The following SNAPC4 variants were observed in gnomAD, a reference collection of about 807,000 sequenced individuals.
SNAPC4 encodes the protein small nuclear RNA activating complex polypeptide 4.
A neutral mutation model predicts 151.3 loss-of-function variants in SNAPC4; 127 were observed. That is an observed-to-expected ratio of 0.84 (90% CI 0.73 to 0.97). SNAPC4 has a LOEUF of 0.97. Ranked by LOEUF, SNAPC4 falls within the 50% of genes least tolerant of loss-of-function variation. The pLI, the probability that SNAPC4 is intolerant of heterozygous loss-of-function variation, is 0.00. For synonymous variants in SNAPC4, 1,002 were observed against 824.4 expected (o/e 1.22, Z -3.69); for missense variants, 2,186 against 1,935.0 (o/e 1.13, Z -2.43).
intron 22 of SNAPC4, 93 bp from the exon 23 acceptor site, chr9:136,376,574 G>A: frequency 6.7e-7 from 1 of 1,489,030 alleles, no homozygotes; most frequent in Non-Finnish European, 9.3e-7. Flanking sequence ...CCCTGTGGGT[G>A]AGTGTCCCAC....
chr9:136,391,997 G>T lies in SNAPC4; in HGVS notation c.920C>A (p.Ala307Glu), dbSNP rs201228463. ...CAGGTGGCCGTGTGCAGCCGCGATC[G>T]CCTGCAGCCGCTCCTCCTCCTCCCT... is the stretch of plus-strand genomic sequence containing the variant. ...WSREEEERLQ[A>E]IAAAHGHLEW... The change falls in exon 10 of 24, where the codon GCG becomes GAG. Residue 307 changes from alanine to glutamate, a missense_variant. Ala to Glu is a moderately radical substitution (Grantham distance 107). Transcript: ENST00000684778. The T allele has an allele frequency of 1.5e-5, 24 of 1,609,860 alleles. No homozygotes were observed. In the South Asian group the frequency reaches 2.6e-4, roughly 18 times the overall value.
chr9:136,387,826 T>C lies in SNAPC4; in HGVS notation c.1146A>G (p.Arg382=), dbSNP rs1833941393. ...ATCGGTAGATCAGCTGCATGGAGTC[T>C]CTCCCTTCCATATAGTAGACAACTA... is the stretch of plus-strand genomic sequence containing the variant. ...YRRIVYYMEG[R]DSMQLIYRWT... The change falls in exon 12 of 24, where the codon AGA becomes AGG. Residue 382 remains arginine (R), a synonymous_variant. Coordinates refer to ENST00000684778, the MANE Select transcript of SNAPC4 (RefSeq NM_003086.4). 1.9e-6 allele frequency: 3 copies of C among 1,608,204 alleles called. No homozygotes were observed. Among genetic ancestry groups the C allele is most frequent in the Non-Finnish European group, 2.6e-6 (3 of 1,174,928 alleles).
At chr9:136,386,831 C>T (rs1646982165) in intron 13 of SNAPC4, among the ~76,000 whole-genome samples, 1 of 152,110 alleles carries the variant, frequency 6.6e-6, no homozygotes, top group South Asian at 2.1e-4. Context: ...CAGCTTACTG[C>T]AACATCCACC....
intron 3 of SNAPC4, 135 bp from the exon 4 acceptor site, chr9:136,395,905 G>A (rs1007946674): frequency 1.1e-6 from 1 of 872,044 alleles, no homozygotes; most frequent in Non-Finnish European, 1.8e-6. Context: ...TGTGGAAGCA[G>A]GAAGTGACCC....
At chr9:136,376,553 G>A in intron 22 of SNAPC4, 72 bp from the exon 23 acceptor site, 1 of 1,570,430 alleles carries the variant, frequency 6.4e-7, no homozygotes. Flanking sequence ...AGGGACGGGA[G>A]TGAGGAGGGG....
Position 136,378,043 on chromosome 9 carries a change from G to C in SNAPC4, c.3784C>G (p.Pro1262Ala), listed in dbSNP as rs540613606. 362 of 1,584,500 alleles carry C rather than the reference G, an allele frequency of 2.3e-4. No individual in the cohort carries two copies. The highest frequency in any genetic ancestry group is 3.0e-4 in the Non-Finnish European group (349 of 1,166,366). ...TCCAGGGCCCCCTTCTCAGGCCCAG[G>C]CTGGGGTAGGGGCGGCTTCTCCAGG... Reference protein sequence around the residue: ...LDLEKPPLPQPGPEKGALDLG... With the variant: ...LDLEKPPLPQAGPEKGALDLG... Residue 1262 changes from proline to alanine, a missense_variant, in exon 22 of 24, where the codon CCT (proline) becomes GCT (alanine). Physicochemically the swap from Pro to Ala is conservative, Grantham distance 27. Transcript: ENST00000684778.
intron 22 of SNAPC4, among the ~76,000 whole-genome samples, chr9:136,376,796 C>G (rs928836119): frequency 1.3e-5 from 2 of 152,210 alleles, no homozygotes; most frequent in African/African-American, 4.8e-5. Context: ...CCTGGCTGGC[C>G]GGGGTCCTCC....
At chr9:136,376,716 C>T (rs888790914) in intron 22 of SNAPC4, among the ~76,000 whole-genome samples, 4 of 152,182 alleles carry the variant, frequency 2.6e-5, no homozygotes, top group African/African-American at 7.2e-5. Flanking sequence ...TCCCACTCCC[C>T]CATGGGACAG....
At position 136,387,751 on chromosome 9, in the gene SNAPC4, C is replaced by T. The variant is rs757338128; in HGVS notation, c.1221G>A (p.Glu407=). ...GGTCCCGCACACTTACAGCATCTTC[C>T]TCCGGGGCCCAGTAACCCTTCTTCA... The part of the protein sequence containing the change: ...PGLKKGYWAP[E]EDAKLLQAVA... Residue 407 remains glutamate, a synonymous_variant, in exon 12 of 24, where the codon GAG becomes GAA. Transcript: ENST00000684778. 12 of 1,605,240 alleles carry T rather than the reference C, an allele frequency of 7.5e-6. No homozygotes were observed. The highest frequency in any genetic ancestry group is 9.4e-6 in the Non-Finnish European group (11 of 1,171,946).
intron 10 of SNAPC4, among the ~76,000 whole-genome samples, chr9:136,391,056 A>G (rs1295867760): frequency 6.6e-6 from 1 of 151,404 alleles, no homozygotes; most frequent in East Asian, 1.9e-4. Context: ...CTGGTCTTGA[A>G]CTCCCGACCT....
chr9:136,382,419 G>A (rs1378906060), intron 16 of SNAPC4, 83 bp from the exon 17 acceptor site: 9 of 1,147,694 alleles, frequency 7.8e-6, no homozygotes, highest in South Asian at 6.4e-5. Context: ...ACACACGACT[G>A]CCTCTTCACC....
chr9:136,384,949 A>C, intron 13 of SNAPC4, 135 bp from the exon 14 acceptor site: 1 of 529,118 alleles, frequency 1.9e-6, no homozygotes, highest in Non-Finnish European at 3.3e-6. Flanking sequence ...GATAAAGTAG[A>C]CTTCATCAAA....
rs780658206 is a variant in SNAPC4 at position 136,381,787 on chromosome 9, G to C, written c.2317+37C>G. ...GATGTACTCTTCATCCTCACCCCTC[G>C]CCCCCAGGATGCTCCCAGAGGAGCC... On this transcript the variant is annotated intron_variant, in intron 18 of 23. Transcript: ENST00000684778. 2.6e-5 allele frequency: 41 copies of C among 1,589,068 alleles called. 2 individuals carry two copies. In the South Asian group the frequency reaches 4.5e-4, roughly 17 times the overall value.
chr9:136,381,266 TCAC>T (rs1486167258), intron 19 of SNAPC4, 53 bp downstream of exon 19: 2 of 1,430,172 alleles, frequency 1.4e-6, no homozygotes, highest in Non-Finnish European at 2.0e-6. Context: ...TTTCAAAACT[TCAC>T]CAAAAACTTT....
intron 10 of SNAPC4, among the ~76,000 whole-genome samples, chr9:136,390,840 A>ATT (rs1440309507): frequency 2.7e-5 from 4 of 145,478 alleles, no homozygotes; most frequent in Non-Finnish European, 6.1e-5. Context: ...TTATTTATTT[A>ATT]TTTTTTTTTT....
At position 136,376,456 on chromosome 9, in the gene SNAPC4, G is replaced by C. The variant is rs778771065; in HGVS notation, c.4310C>G (p.Ser1437Cys). The change falls in exon 23 of 24, where the codon TCT becomes TGT. Residue 1437 changes from serine to cysteine, a missense_variant. Coordinates refer to ENST00000684778, the MANE Select transcript of SNAPC4 (RefSeq NM_003086.4). ...IQGAPDSGKC[S>C]ASSCLDTSND... ...AGAAGTATCCAGGCAGGAGGAAGCA[G>C]AGCATTTACCAGAGTCTGGGGCTCC... The C allele has an allele frequency of 6.2e-7, 1 of 1,613,272 alleles. No homozygotes were observed.
Position 136,383,416 on chromosome 9 carries a change from C to A in SNAPC4, c.1753G>T (p.Gly585Ter). The change falls in exon 16 of 24, where the codon GGA (glycine) becomes TGA (stop). Residue 585 changes from glycine (G) to a stop codon, truncating the protein, a stop_gained. Transcript: ENST00000684778. LOFTEE classifies it high-confidence loss of function. This position sits in a 1 kb window ranked among gnomAD's most constrained non-coding sequence, Gnocchi z 4.2. ...ARQSTSQPWR[G>*]GAGAWLGGPA... ...CCTCCCAGCCAGGCCCCTGCCCCTC[C>A]TCTCCATGGCTGGCTGGTGCTCTGC... 6.4e-7 allele frequency: 1 copy of A among 1,568,116 alleles called. No homozygotes were observed. Among genetic ancestry groups the A allele is most frequent in the East Asian group, 2.4e-5 (1 of 42,044 alleles).
At position 136,377,527 on chromosome 9, in the gene SNAPC4, T is replaced by A. The variant is rs748410081; in HGVS notation, c.4284+16A>T. 3 of 1,502,266 alleles carry A rather than the reference T, an allele frequency of 2.0e-6. No homozygotes were observed. Among genetic ancestry groups the A allele is most frequent in the South Asian group, 2.7e-5 (2 of 73,700 alleles). The allele number at this position is 1,502,266 out of a possible 1,614,324, so 93.1% of individuals were successfully genotyped here. A position where few individuals can be genotyped will look rare whatever the true frequency, so the allele number is the denominator to read the frequency against. ...GCCGCCTGCCATGGGGAAGTGGGGC[T>A]GGGCGCCCACCCTACCTGAATGGGG... On this transcript the variant is annotated intron_variant, in intron 22 of 23. Transcript: ENST00000684778.
intron 10 of SNAPC4, 98 bp from the exon 11 acceptor site, chr9:136,388,689 A>T (rs73670245): frequency 1.4e-6 from 2 of 1,446,740 alleles, no homozygotes; most frequent in Non-Finnish European, 1.9e-6. Flanking sequence ...CCCATGAGCC[A>T]CTGGGGTGAC....
Sources: gnomAD v4.1 joint callset for allele counts (sites outside exome capture counted in the v4.1 genomes callset) on GRCh38, gnomAD v4.1.1 for gene constraint, Gnocchi (gnomAD v3.1) non-coding constraint, MANE v1.5 for transcripts, NCBI Gene and HGNC (gene_info 2026-07-23, HGNC 2026-07-21) for gene names.